TPD52: variants seen among roughly 807,000 people sequenced by gnomAD.
TPD52 encodes the protein tumor protein D52.
In TPD52, 17 loss-of-function variants were observed where a neutral mutation model predicts 31.3. The ratio of observed to expected loss-of-function variants is 0.54; its 90% CI spans 0.37 to 0.82. TPD52 has a LOEUF of 0.82. TPD52 is among the 40% of genes least tolerant of loss of function. The pLI is 0.00. For synonymous variants in TPD52, 83 were observed against 89.6 expected, an observed-to-expected ratio of 0.93 and a Z score of 0.42; for missense variants, 212 against 240.1, an observed-to-expected ratio of 0.88 and a Z score of 0.77.
rs538145804 is a variant in TPD52 at position 80,165,569 on chromosome 8, T to C, written c.19+5856A>G. Among the ~76,000 whole-genome samples, 192 of 152,240 alleles carry C rather than the reference T, an allele frequency of 1.3e-3. 1 individual carries two copies. Among genetic ancestry groups the C allele is most frequent in the Admixed American group, 3.9e-3 (59 of 15,288 alleles). ...TTTTCCTGAAAGCAGAAGATGAAGC[T>C]CCCATATGAAAGATGTCCTCCCTCT... On this transcript the variant is annotated intron_variant, in intron 1 of 7. Coordinates refer to ENST00000518937, the MANE Select transcript of TPD52 (RefSeq NM_001025253.3).
chr8:80,061,239 G>T (rs7823936), intron 2 of TPD52, among the ~76,000 whole-genome samples: 3 of 151,650 alleles, frequency 2.0e-5, no homozygotes, highest in Admixed American at 6.6e-5. Flanking sequence ...TGGCACATTC[G>T]TGTAATCCCA....
intron 1 of TPD52, among the ~76,000 whole-genome samples, chr8:80,135,077 A>G (rs1460926191): frequency 1.3e-5 from 2 of 152,190 alleles, no homozygotes; most frequent in African/African-American, 4.8e-5. Flanking sequence ...AGGCAGAGGT[A>G]TTACAGAAGG....
intron 3 of TPD52, chr8:80,052,943 A>T (rs1363339286): frequency 4.2e-6 from 1 of 238,590 alleles, no homozygotes; most frequent in Non-Finnish European, 8.2e-6. Flanking sequence ...CTGTTTCCTT[A>T]TCCAGGGTTA....
chr8:80,064,817 T>C, intron 1 of TPD52: 1 of 670,054 alleles, frequency 1.5e-6, no homozygotes. Flanking sequence ...ATTTAGAAAA[T>C]ATAGCATTCT....
intron 1 of TPD52, among the ~76,000 whole-genome samples, chr8:80,135,163 T>C (rs146102215): frequency 6.6e-6 from 1 of 152,360 alleles, no homozygotes; most frequent in East Asian, 1.9e-4. Context: ...GTGAATTTAA[T>C]TGTAAACGTC....
intron 1 of TPD52, among the ~76,000 whole-genome samples, chr8:80,151,001 A>T (rs2131196222): frequency 6.6e-6 from 1 of 152,220 alleles, no homozygotes; most frequent in Admixed American, 6.5e-5. Context: ...CCCCACCCAA[A>T]TCTCATCTTG....
chr8:80,094,428 TTTTATATATATATATATATATATATATA>T (rs1162664883), intron 1 of TPD52, among the ~76,000 whole-genome samples: 693 of 69,120 alleles, frequency 0.01, 23 homozygotes, highest in African/African-American at 0.027. Context: ...CAAAAGAAAA[TTTTATATATATATATATATATATATATA>T]TATATATATA....
chr8:80,056,033 C>T (rs946559640), intron 2 of TPD52, among the ~76,000 whole-genome samples: 4 of 152,272 alleles, frequency 2.6e-5, no homozygotes, highest in African/African-American at 9.6e-5. Flanking sequence ...AATCCCACTA[C>T]TGGGTTACTT....
intron 1 of TPD52, among the ~76,000 whole-genome samples, chr8:80,066,196 A>G (rs1813131610): frequency 1.3e-5 from 2 of 152,214 alleles, no homozygotes; most frequent in Admixed American, 1.3e-4. Context: ...TTAGAGAATT[A>G]CATGAGTCAA....
intron 1 of TPD52, among the ~76,000 whole-genome samples, chr8:80,093,739 T>A (rs1816470362): frequency 1.3e-5 from 2 of 152,214 alleles, no homozygotes; most frequent in Admixed American, 1.3e-4. Flanking sequence ...TGTCAATTTT[T>A]CATTAAATTT....
At chr8:80,098,114 T>C (rs989780830) in intron 1 of TPD52, among the ~76,000 whole-genome samples, 1 of 152,250 alleles carries the variant, frequency 6.6e-6, no homozygotes, top group Non-Finnish European at 1.5e-5. Context: ...CAGATAAAGA[T>C]TTCTTTTCCA....
At chr8:80,042,451 A>G in intron 7 of TPD52, 169 bp downstream of exon 7, 1 of 985,486 alleles carries the variant, frequency 1.0e-6, no homozygotes, top group Non-Finnish European at 1.2e-6. Flanking sequence ...CTAAAAAGAT[A>G]TTAAGTACAT....
At chr8:80,104,577 AC>A (rs1424476235) in intron 1 of TPD52, among the ~76,000 whole-genome samples, 6 of 150,454 alleles carry the variant, frequency 4.0e-5, no homozygotes, top group East Asian at 2.0e-4. Flanking sequence ...AAAAAAAAAA[AC>A]AACAACAAAA....
At chr8:80,099,014 C>T (rs975334482) in intron 1 of TPD52, among the ~76,000 whole-genome samples, 1 of 152,124 alleles carries the variant, frequency 6.6e-6, no homozygotes, top group Non-Finnish European at 1.5e-5. Flanking sequence ...GAGGTAAGTG[C>T]ACAATTTTGT....
chr8:80,085,613 A>T (rs563963848), intron 1 of TPD52, among the ~76,000 whole-genome samples: 29 of 152,282 alleles, frequency 1.9e-4, no homozygotes, highest in African/African-American at 6.7e-4. Flanking sequence ...CGCCAAAAAA[A>T]TTAGGGACAG....
At chr8:80,100,758 C>T (rs1806669101) in intron 1 of TPD52, among the ~76,000 whole-genome samples, 1 of 152,182 alleles carries the variant, frequency 6.6e-6, no homozygotes, top group Non-Finnish European at 1.5e-5. Context: ...AGGAGAAGAC[C>T]AATGTCCCAG....
chr8:80,056,280 C>T (rs1811878900), intron 2 of TPD52, among the ~76,000 whole-genome samples: 3 of 152,162 alleles, frequency 2.0e-5, no homozygotes, highest in Middle Eastern at 3.2e-3. Context: ...AAGATAAATA[C>T]TGCATGTTCT....
intron 7 of TPD52, among the ~76,000 whole-genome samples, chr8:80,039,597 A>G (rs1379165023): frequency 6.6e-6 from 1 of 152,074 alleles, no homozygotes; most frequent in East Asian, 1.9e-4. Context: ...TGATCTCTCT[A>G]ACATTTACAG....
intron 1 of TPD52, among the ~76,000 whole-genome samples, chr8:80,163,935 T>TA (rs1811529168): frequency 6.6e-6 from 1 of 151,834 alleles, no homozygotes; most frequent in Non-Finnish European, 1.5e-5. Context: ...ACAAAACTGT[T>TA]ATGTGTAGTG....
Sources: gnomAD v4.1 joint callset for allele counts (sites outside exome capture counted in the v4.1 genomes callset) on GRCh38, gnomAD v4.1.1 for gene constraint, MANE v1.5 for transcripts, NCBI Gene and HGNC (gene_info 2026-07-23, HGNC 2026-07-21) for gene names.